Variants in PPP1R9B observed in about 807,000 individuals in gnomAD.
PPP1R9B encodes protein phosphatase 1 regulatory subunit 9B.
Under a neutral mutation model 75.8 loss-of-function variants are expected in PPP1R9B, and 17 were observed. The observed-to-expected ratio is 0.22, with a 90% CI of 0.15 to 0.34. The LOEUF (loss-of-function observed/expected upper bound fraction) is 0.34, where lower values mean the gene tolerates loss of function less well. Ranked by LOEUF, PPP1R9B falls within the 10% of genes least tolerant of loss-of-function variation. The pLI, the probability that PPP1R9B is intolerant of heterozygous loss-of-function variation, is 1.00. For missense variants in PPP1R9B, 875 were observed against 1,196.0 expected (o/e 0.73, Z 3.96); for synonymous variants, 509 against 535.4 (o/e 0.95, Z 0.68).
chr17:50,136,529 T>A (rs776894133), intron 7 of PPP1R9B, among the ~76,000 whole-genome samples: 10 of 152,192 alleles, frequency 6.6e-5, no homozygotes, highest in Non-Finnish European at 1.5e-4. Context: ...ATGGCAGTGA[T>A]ATGTGCCTCC....
intron 3 of PPP1R9B, among the ~76,000 whole-genome samples, chr17:50,141,590 G>A (rs1912380155): frequency 6.6e-6 from 1 of 150,830 alleles, no homozygotes; most frequent in African/African-American, 2.5e-5. Context: ...TTGAGCCAGG[G>A]AGGTCAAGGC....
rs764065441 is a variant in PPP1R9B, at chr17:50,149,410, A to G, written c.1104T>C (p.Asn368=). Residue 368 remains asparagine (N), a synonymous_variant, in exon 1 of 10, where the codon AAT becomes AAC. Coordinates refer to ENST00000612501, the MANE Select transcript of PPP1R9B (RefSeq NM_032595.5). The surrounding 1 kb of genome is among the most constrained non-coding windows in gnomAD (Gnocchi z 7.2). ...CAGGGGCCACGTCCGGGGCCCGGCC[A>G]TTGCCCACCCCCCTCTCTGGCGGCG... The part of the protein sequence containing the change: ...AVAPPERGVG[N]GRAPDVAPEE... 1 of 1,608,556 alleles carries G rather than the reference A, an allele frequency of 6.2e-7. No homozygotes were observed. The highest frequency in any genetic ancestry group is 1.1e-5 in the South Asian group (1 of 90,702).
rs148344184 is a variant in PPP1R9B, at chr17:50,147,090, C to T, written c.1372-1845G>A. The stretch of plus-strand genomic sequence containing the variant: ...TCCAAAACACACCTCACAGCCTGTC[C>T]TGGGCTGCACCCTGCCCTCTTCTCT... On this transcript the variant is annotated intron_variant, in intron 1 of 9. Transcript: ENST00000612501. Among the ~76,000 whole-genome samples the T allele has an allele frequency of 1.1e-3, 165 of 152,342 alleles. 1 individual carries two copies. The East Asian group carries it at 0.023, about 22-fold the overall frequency.
At chr17:50,147,618 A>G (rs1371081020) in intron 1 of PPP1R9B, among the ~76,000 whole-genome samples, 1 of 149,476 alleles carries the variant, frequency 6.7e-6, no homozygotes, top group African/African-American at 2.5e-5. Context: ...CCAAACTCCA[A>G]CTCTGAGGGA....
intron 4 of PPP1R9B, 55 bp downstream of exon 4, chr17:50,141,214 T>G (rs1598246773): frequency 8.7e-7 from 1 of 1,155,126 alleles, no homozygotes; most frequent in Non-Finnish European, 1.2e-6. Flanking sequence ...GTGAACGGAG[T>G]GCCTGGACGA....
At chr17:50,146,140 C>G (rs1912512790) in intron 1 of PPP1R9B, 1 of 152,452 alleles carries the variant, frequency 6.6e-6, no homozygotes, top group Non-Finnish European at 1.5e-5. Context: ...TCTGTTGTCT[C>G]TCTCCAATGT....
intron 7 of PPP1R9B, among the ~76,000 whole-genome samples, chr17:50,136,783 C>T (rs374174544): frequency 2.0e-5 from 3 of 152,094 alleles, no homozygotes; most frequent in East Asian, 3.9e-4. Context: ...GGCACCGGCC[C>T]ATCTCCCACA....
At chr17:50,140,392 G>A (rs1158312650) in intron 4 of PPP1R9B, 164 bp from the exon 5 acceptor site, 1 of 911,384 alleles carries the variant, frequency 1.1e-6, no homozygotes, top group Non-Finnish European at 1.6e-6. Flanking sequence ...GGGAATGAGG[G>A]CCCTTATCAG....
At chr17:50,135,742 C>G (rs1912211330) in intron 8 of PPP1R9B, 93 bp from the exon 9 acceptor site, 2 of 1,130,710 alleles carry the variant, frequency 1.8e-6, no homozygotes, top group African/African-American at 1.6e-5. Context: ...CTGGGCAACT[C>G]TGTCCTTCCC....
At chr17:50,138,985 C>G (rs895225195) in intron 7 of PPP1R9B, among the ~76,000 whole-genome samples, 3 of 152,212 alleles carry the variant, frequency 2.0e-5, no homozygotes, top group Non-Finnish European at 4.4e-5. Flanking sequence ...CGTGTGTTAT[C>G]TCATTTAATC....
intron 4 of PPP1R9B, 58 bp downstream of exon 4, chr17:50,141,211 G>T: frequency 8.8e-7 from 1 of 1,135,124 alleles, no homozygotes; most frequent in Non-Finnish European, 1.3e-6. Flanking sequence ...CAGGTGAACG[G>T]AGTGCCTGGA....
rs372489366 is a variant in PPP1R9B, at chr17:50,140,110, C to G, written c.1849G>C (p.Gly617Arg). ...CTCCCTACCTCCTCGTCATCCTCCCCATACTGGGCGTATCTCTGCTCCATC... is the reference window on the plus strand; with the variant it reads ...CTCCCTACCTCCTCGTCATCCTCCCGATACTGGGCGTATCTCTGCTCCATC... The part of the protein sequence containing the change: ...EMMEQRYAQY[G>R]EDDEETGEYA... The change falls in exon 5 of 10, where the codon GGG becomes CGG. Residue 617 changes from glycine to arginine, a missense_variant. Gly to Arg is a moderately radical substitution (Grantham distance 125). Transcript: ENST00000612501. 73 of 1,613,468 alleles carry G rather than the reference C, an allele frequency of 4.5e-5. No homozygotes were observed. The highest frequency in any genetic ancestry group is 5.8e-5 in the Non-Finnish European group (69 of 1,179,770).
rs1912624005 is a variant in PPP1R9B at position 50,149,552 on chromosome 17, G to T, written c.962C>A (p.Ala321Asp). Residue 321 changes from alanine to aspartate, a missense_variant, in exon 1 of 10, where the codon GCC becomes GAC. By Grantham distance (126) the Ala-to-Asp change is moderately radical. Coordinates refer to ENST00000612501, the MANE Select transcript of PPP1R9B (RefSeq NM_032595.5). The surrounding 1 kb of genome is among the most constrained non-coding windows in gnomAD (Gnocchi z 7.2). Reference sequence around the variant, plus strand: ...CAGGGCCGCGTGGACCGTAACCTCGGCCTGGATCACCTCCCCGGGCGCCGA... The same window carrying T: ...CAGGGCCGCGTGGACCGTAACCTCGTCCTGGATCACCTCCCCGGGCGCCGA... ...AESAPGEVIQ[A>D]EVTVHAALEN... 3 of 1,589,318 alleles carry T rather than the reference G, an allele frequency of 1.9e-6. No homozygotes were observed. Among genetic ancestry groups the T allele is most frequent in the Non-Finnish European group, 8.5e-7 (1 of 1,170,692 alleles).
rs989024015 is a variant in PPP1R9B, at chr17:50,135,044, C to A, written c.*287G>T. The A allele has an allele frequency of 2.0e-6, 1 of 493,918 alleles. No homozygotes were observed. 30.6% of individuals were successfully genotyped at this position (493,918 alleles called of 1,614,324 possible). A position where few individuals can be genotyped will look rare whatever the true frequency, so the allele number is the denominator to read the frequency against. On this transcript the variant is annotated 3_prime_UTR_variant, in exon 10 of 10. Coordinates refer to ENST00000612501, the MANE Select transcript of PPP1R9B (RefSeq NM_032595.5). The stretch of plus-strand genomic sequence containing the variant: ...AGTTTGATCTGCAGGTGCTTGTGTC[C>A]GTCGACCACCAGGCCAGCCCTCGGC...
At chr17:50,146,738 A>G (rs2144454677) in intron 1 of PPP1R9B, among the ~76,000 whole-genome samples, 1 of 152,332 alleles carries the variant, frequency 6.6e-6, no homozygotes, top group East Asian at 1.9e-4. Context: ...CAGGCTGCCT[A>G]CCTTGCACAT....
rs1285155984 is a variant in PPP1R9B at position 50,150,672 on chromosome 17, C to T, written c.-159G>A. ...ACCAAGCTGCCAAAAACAGTTAATCCCGCTTTAAAAAAAAAAATGAAAAAA... is the reference window on the plus strand; with the variant it reads ...ACCAAGCTGCCAAAAACAGTTAATCTCGCTTTAAAAAAAAAAATGAAAAAA... On this transcript the variant is annotated 5_prime_UTR_variant, in exon 1 of 10. Transcript: ENST00000612501. This position sits in a 1 kb window ranked among gnomAD's most constrained non-coding sequence, Gnocchi z 8.7. 7.5e-6 allele frequency: 5 copies of T among 668,632 alleles called. No individual in the cohort carries two copies. Among genetic ancestry groups the T allele is most frequent in the South Asian group, 7.5e-5 (1 of 13,290 alleles). 41.4% of individuals were successfully genotyped at this position (668,632 alleles called of 1,614,324 possible). A position where few individuals can be genotyped will look rare whatever the true frequency, so the allele number is the denominator to read the frequency against.
At chr17:50,147,416 G>A (rs887439467) in intron 1 of PPP1R9B, among the ~76,000 whole-genome samples, 1 of 152,250 alleles carries the variant, frequency 6.6e-6, no homozygotes, top group Non-Finnish European at 1.5e-5. Context: ...CCCTGTGCCA[G>A]GGTGGGGAGG....
At position 50,149,737 on chromosome 17, in the gene PPP1R9B, GGGC is replaced by G. The variant is rs755167550; in HGVS notation, c.774_776del (p.Pro259del). 3.5e-4 allele frequency: 490 copies of G among 1,399,894 alleles called. No individual in the cohort carries two copies. Among genetic ancestry groups the G allele is most frequent in the Admixed American group, 1.4e-3 (42 of 29,956 alleles). The allele number at this position is 1,399,894 out of a possible 1,614,324, so 86.7% of individuals were successfully genotyped here. A position where few individuals can be genotyped will look rare whatever the true frequency, so the allele number is the denominator to read the frequency against. ...CGGCCGGGGCATCCCCCGACGGGGCGGGCGGCGGCGGCGGCGGGGGCTGGAACA... is the reference window on the plus strand; with the variant it reads ...CGGCCGGGGCATCCCCCGACGGGGCGGGCGGCGGCGGCGGGGGCTGGAACA... On this transcript the variant is annotated inframe_deletion, in exon 1 of 10. Transcript: ENST00000612501. This position sits in a 1 kb window ranked among gnomAD's most constrained non-coding sequence, Gnocchi z 7.2.
chr17:50,144,898 G>T (rs957685828), intron 2 of PPP1R9B, among the ~76,000 whole-genome samples: 2 of 152,216 alleles, frequency 1.3e-5, no homozygotes, highest in African/African-American at 4.8e-5. Context: ...CATGACCGGG[G>T]TGGTGGGGGT....
Sources: allele counts gnomAD v4.1 joint callset (sites outside exome capture counted in the v4.1 genomes callset), GRCh38; gene constraint gnomAD v4.1.1; non-coding constraint Gnocchi (gnomAD v3.1); transcripts MANE v1.5; gene names NCBI Gene and HGNC (gene_info 2026-07-23, HGNC 2026-07-21).